Variants in PACS1 observed in about 807,000 individuals in gnomAD.
PACS1 encodes the protein PACS-1.
PACS1 carries 24 observed loss-of-function variants against 115.0 expected under a neutral mutation model. The observed-to-expected ratio is 0.21, with a 90% CI of 0.15 to 0.29. The LOEUF (loss-of-function observed/expected upper bound fraction) is 0.29, where lower values mean the gene tolerates loss of function less well. Ranked by LOEUF, PACS1 falls within the 10% of genes least tolerant of loss-of-function variation. The pLI is 1.00. For synonymous variants in PACS1, 453 were observed against 504.5 expected, an observed-to-expected ratio of 0.90 and a Z score of 1.37; for missense variants, 838 against 1,251.2, an observed-to-expected ratio of 0.67 and a Z score of 4.98.
At chr11:66,234,709 C>CT (rs1476733826) in intron 17 of PACS1, among the ~76,000 whole-genome samples, 1 of 152,076 alleles carries the variant, frequency 6.6e-6, no homozygotes, top group African/African-American at 2.4e-5. Context: ...AAGACCCTGT[C>CT]TCTACAAAAA....
intron 1 of PACS1, among the ~76,000 whole-genome samples, chr11:66,188,005 C>G (rs1368390470): frequency 1.3e-5 from 2 of 152,118 alleles, no homozygotes; most frequent in Non-Finnish European, 2.9e-5. Flanking sequence ...TAGTAGCCAG[C>G]CCAACTGGGG....
At position 66,070,407 on chromosome 11, in the gene PACS1, C is replaced by CCCGCCGCCG. The variant is rs987302485; in HGVS notation, c.-72_-64dup. On this transcript the variant is annotated 5_prime_UTR_variant, in exon 1 of 24. Transcript: ENST00000320580. This position sits in a 1 kb window ranked among gnomAD's most constrained non-coding sequence, Gnocchi z 5.9. Reference sequence around the variant, plus strand: ...GGCGGGCTGAGGAGGCTGCCGCGCCCCCGCCGCCGCCGCCGCGGGGGAAGC... The same window carrying CCCGCCGCCG: ...GGCGGGCTGAGGAGGCTGCCGCGCCCCCGCCGCCGCCGCCGCCGCCGCCGCGGGGGAAGC... 2 of 889,238 alleles carry CCCGCCGCCG rather than the reference C, an allele frequency of 2.2e-6. No homozygotes were observed. The highest frequency in any genetic ancestry group is 1.8e-5 in the African/African-American group (1 of 56,526). 55.1% of individuals were successfully genotyped at this position (889,238 alleles called of 1,614,324 possible).
intron 2 of PACS1, among the ~76,000 whole-genome samples, chr11:66,199,051 C>T (rs12797158): frequency 0.21 from 31,354 of 152,102 alleles, 3,323 homozygotes; most frequent in Middle Eastern, 0.28. Context: ...CGTGGTGGCT[C>T]ACGCCTATAA....
chr11:66,141,797 G>A (rs189216632), intron 1 of PACS1, among the ~76,000 whole-genome samples: 68 of 151,930 alleles, frequency 4.5e-4, no homozygotes, highest in African/African-American at 1.4e-3. Context: ...AGATGCAGTT[G>A]TTTTTTGTTT....
At chr11:66,093,352 T>C (rs1857706996) in intron 1 of PACS1, among the ~76,000 whole-genome samples, 1 of 149,748 alleles carries the variant, frequency 6.7e-6, no homozygotes, top group African/African-American at 2.5e-5. Context: ...TGGAGGAAGA[T>C]CTACCAAGCA....
chr11:66,173,147 G>A (rs1859779804), intron 1 of PACS1, among the ~76,000 whole-genome samples: 1 of 144,912 alleles, frequency 6.9e-6, no homozygotes, highest in South Asian at 2.2e-4. Context: ...TGCTCAGTCT[G>A]GTCTTAAACT....
At position 66,119,142 on chromosome 11, in the gene PACS1, C is replaced by T. The variant is rs943698646; in HGVS notation, c.356+48300C>T. 5.9e-5 allele frequency among the ~76,000 whole-genome samples: 9 copies of T among 152,278 alleles called. No individual in the cohort carries two copies. In the South Asian group the frequency reaches 8.3e-4, roughly 14 times the overall value. ...TCCTCTGCTCTCTTCTGACCGGTAGCGTTAATACTTCTTTGGTTTAATGCA... is the reference window on the plus strand; with the variant it reads ...TCCTCTGCTCTCTTCTGACCGGTAGTGTTAATACTTCTTTGGTTTAATGCA... On this transcript the variant is annotated intron_variant, in intron 1 of 23. Transcript: ENST00000320580.
chr11:66,234,222 G>A lies in PACS1; in HGVS notation c.2084G>A (p.Arg695His), dbSNP rs754464559. The A allele has an allele frequency of 7.4e-6, 12 of 1,613,222 alleles. No individual in the cohort carries two copies. The highest frequency in any genetic ancestry group is 4.4e-5 in the South Asian group (4 of 91,064). Reference protein sequence around the residue: ...LDSGWRDLFSRSEPPVSEQLD... With the variant: ...LDSGWRDLFSHSEPPVSEQLD... ...TCTGGTTGGAGAGATCTGTTCAGTCGCTCGGAGCCACCAGTGTCAGGTAAT... is the reference window on the plus strand; with the variant it reads ...TCTGGTTGGAGAGATCTGTTCAGTCACTCGGAGCCACCAGTGTCAGGTAAT... Residue 695 changes from arginine (R) to histidine (H), a missense_variant, in exon 17 of 24, where the codon CGC becomes CAC. By Grantham distance (29) the Arg-to-His change is conservative. Coordinates refer to ENST00000320580, the MANE Select transcript of PACS1 (RefSeq NM_018026.4).
At chr11:66,080,197 C>T (rs575196850) in intron 1 of PACS1, among the ~76,000 whole-genome samples, 11 of 152,316 alleles carry the variant, frequency 7.2e-5, no homozygotes, top group Non-Finnish European at 1.5e-4. Flanking sequence ...ATCTGTTATG[C>T]ACAATTCATC....
At chr11:66,145,095 AAAC>A (rs1859088421) in intron 1 of PACS1, among the ~76,000 whole-genome samples, 1 of 152,260 alleles carries the variant, frequency 6.6e-6, no homozygotes, top group African/African-American at 2.4e-5. Context: ...TCTCCCCACA[AAAC>A]AACAATAATA....
intron 1 of PACS1, among the ~76,000 whole-genome samples, chr11:66,118,647 C>G (rs1858363947): frequency 6.6e-6 from 1 of 151,188 alleles, no homozygotes; most frequent in South Asian, 2.1e-4. Flanking sequence ...ATTTTCTAGG[C>G]CAGGCGTGGT....
chr11:66,078,023 C>A (rs983670185), intron 1 of PACS1, among the ~76,000 whole-genome samples: 2 of 152,078 alleles, frequency 1.3e-5, no homozygotes, highest in African/African-American at 4.8e-5. Flanking sequence ...TTTTAAGGTA[C>A]AACAAAGGTT....
chr11:66,133,670 CTT>C (rs1330753520), intron 1 of PACS1, among the ~76,000 whole-genome samples: 2 of 152,146 alleles, frequency 1.3e-5, no homozygotes, highest in Admixed American at 1.3e-4. Context: ...ACCCAGCTAA[CTT>C]TTCAATTTTT....
intron 2 of PACS1, among the ~76,000 whole-genome samples, chr11:66,199,011 A>G (rs563440579): frequency 6.6e-6 from 1 of 152,304 alleles, no homozygotes; most frequent in Admixed American, 6.5e-5. Flanking sequence ...GCTATTTGGG[A>G]TTCTTTCTAA....
At chr11:66,217,788 G>C (rs1427598067) in intron 7 of PACS1, 1 of 338,276 alleles carries the variant, frequency 3.0e-6, no homozygotes, top group Non-Finnish European at 5.9e-6. Context: ...TCTGGAAATA[G>C]GGAGTGGCTG....
chr11:66,118,789 AAAAG>A (rs1490106126), intron 1 of PACS1, among the ~76,000 whole-genome samples: 6 of 151,066 alleles, frequency 4.0e-5, no homozygotes, highest in Admixed American at 2.6e-4. Context: ...AAAAAAAAAA[AAAAG>A]AAAGAAAAAG....
intron 10 of PACS1, 24 bp downstream of exon 10, chr11:66,221,271 G>T (rs768163211): frequency 1.2e-6 from 2 of 1,603,994 alleles, no homozygotes; most frequent in Admixed American, 3.3e-5. Flanking sequence ...CGACTGCGGG[G>T]CGGGGTGGGA....
intron 1 of PACS1, among the ~76,000 whole-genome samples, chr11:66,156,839 C>G (rs1258619707): frequency 1.4e-5 from 2 of 147,522 alleles, no homozygotes; most frequent in Non-Finnish European, 3.0e-5. Context: ...GGCGACAGAG[C>G]GAGACTCTGT....
chr11:66,188,396 C>T (rs1307933899), intron 1 of PACS1, among the ~76,000 whole-genome samples: 5 of 152,094 alleles, frequency 3.3e-5, no homozygotes, highest in East Asian at 3.8e-4. Flanking sequence ...CACACAAACA[C>T]ACACACATAT....
Sources: gnomAD v4.1 joint callset for allele counts (sites outside exome capture counted in the v4.1 genomes callset) on GRCh38, gnomAD v4.1.1 for gene constraint, Gnocchi (gnomAD v3.1) non-coding constraint, MANE v1.5 for transcripts, NCBI Gene and HGNC (gene_info 2026-07-23, HGNC 2026-07-21) for gene names.